The following ADGRF1 variants were observed in gnomAD, a reference collection of about 807,000 sequenced individuals.
ADGRF1 encodes the protein adhesion G protein-coupled receptor F1.
Under a neutral mutation model 87.2 loss-of-function variants are expected in ADGRF1, and 85 were observed. That is an observed-to-expected ratio of 0.97 (90% CI 0.82 to 1.17). The LOEUF is 1.17. ADGRF1 is among the 50% of genes most tolerant of loss of function. ADGRF1 has a pLI of 0.00. For synonymous variants in ADGRF1, 430 were observed against 408.8 expected (o/e 1.05, Z -0.63); for missense variants, 1,169 against 1,077.2 (o/e 1.09, Z -1.19).
At chr6:47,005,697 T>C (rs531294290) in intron 13 of ADGRF1, 120 bp downstream of exon 13, 11 of 628,880 alleles carry the variant, frequency 1.7e-5, no homozygotes, top group Admixed American at 1.5e-4. Context: ...ACCAGGAATA[T>C]AATGGTGAAA....
At chr6:47,011,896 G>A in intron 10 of ADGRF1, 111 bp downstream of exon 10, 8 of 915,860 alleles carry the variant, frequency 8.7e-6, no homozygotes, top group South Asian at 3.6e-5. Context: ...ACATAAAGAC[G>A]CATACATGGC....
intron 5 of ADGRF1, among the ~76,000 whole-genome samples, chr6:47,023,655 T>A (rs1317532142): frequency 3.3e-5 from 5 of 152,224 alleles, no homozygotes; most frequent in African/African-American, 9.6e-5. Context: ...CCTCCCTGCA[T>A]TCATATCTCT....
chr6:47,036,264 A>T (rs779690717), intron 1 of ADGRF1, among the ~76,000 whole-genome samples: 2 of 151,950 alleles, frequency 1.3e-5, no homozygotes, highest in Admixed American at 1.3e-4. Flanking sequence ...ACAAACAAAC[A>T]AAAAACAGCT....
chr6:47,007,205 C>G (rs1255249506), intron 12 of ADGRF1, 48 bp downstream of exon 12: 10 of 1,154,218 alleles, frequency 8.7e-6, no homozygotes. Context: ...GGGGAGGGGG[C>G]CTAAGATGTC....
chr6:47,024,127 T>C lies in ADGRF1; in HGVS notation c.368A>G (p.Tyr123Cys), dbSNP rs1485517566. ...PPSCLDPQNC[Y>C]LHTAGALPSC... ...TGGGAGTGCTCCAGCCGTGTGAAGG[T>C]AGCAGTTCTGGGGATCAAGGCATGA... Residue 123 changes from tyrosine (Y) to cysteine (C), a missense_variant, in exon 5 of 15, where the codon TAC becomes TGC. Tyr to Cys is a radical substitution (Grantham distance 194). Transcript: ENST00000371253. 6.8e-6 allele frequency: 11 copies of C among 1,613,924 alleles called. No homozygotes were observed. The highest frequency in any genetic ancestry group is 1.6e-4 in the Middle Eastern group (1 of 6,080).
rs78078886 is a variant in ADGRF1, at chr6:47,025,746, A to T, written c.277+108T>A. ...AAGATATAAAGCATTTATTCTTTTAAATCACAGAGATTGTAGGGATGATTG... is the reference window on the plus strand; with the variant it reads ...AAGATATAAAGCATTTATTCTTTTATATCACAGAGATTGTAGGGATGATTG... On this transcript the variant is annotated intron_variant, in intron 4 of 14. Transcript: ENST00000371253. 4,473 of 1,023,390 alleles carry T rather than the reference A, an allele frequency of 4.4e-3. 125 individuals are homozygous for T. In the African/African-American group the frequency reaches 0.062, roughly 14 times the overall value. 63.4% of individuals were successfully genotyped at this position (1,023,390 alleles called of 1,614,324 possible).
chr6:47,005,193 C>T (rs1779486720), intron 13 of ADGRF1, among the ~76,000 whole-genome samples: 1 of 152,120 alleles, frequency 6.6e-6, no homozygotes, highest in Non-Finnish European at 1.5e-5. Flanking sequence ...TGTTCAAGCA[C>T]TTTTGTTTCT....
intron 1 of ADGRF1, among the ~76,000 whole-genome samples, chr6:47,037,125 C>T (rs1160462523): frequency 1.3e-5 from 2 of 152,196 alleles, no homozygotes; most frequent in Admixed American, 6.5e-5. Flanking sequence ...GCAGAAATGC[C>T]TGTTTCATCA....
chr6:47,039,095 A>G (rs1342361062), intron 1 of ADGRF1, among the ~76,000 whole-genome samples: 1 of 152,252 alleles, frequency 6.6e-6, no homozygotes, highest in African/African-American at 2.4e-5. Context: ...AAAACAATAA[A>G]GAAACTCTTA....
rs906755814 is a variant in ADGRF1, at chr6:47,007,148, A to G, written c.2532+105T>C. ...AAGCACAGAATTTTATTACAAAAGT[A>G]CCAATAGTCCCACCTCTTATTATAT... On this transcript the variant is annotated intron_variant, in intron 12 of 14. Coordinates refer to ENST00000371253, the MANE Select transcript of ADGRF1 (RefSeq NM_153840.4). The G allele has an allele frequency of 2.5e-5, 15 of 610,550 alleles. No individual in the cohort carries two copies. In the African/African-American group the frequency reaches 2.5e-4, roughly 10 times the overall value. 37.8% of individuals were successfully genotyped at this position (610,550 alleles called of 1,614,324 possible). A position where few individuals can be genotyped will look rare whatever the true frequency, so the allele number is the denominator to read the frequency against.
In ADGRF1 at chr6:47,009,181, G is replaced by C. The variant is rs1426345306; in HGVS notation, c.2254C>G (p.Leu752Val). The C allele has an allele frequency of 6.2e-7, 1 of 1,614,064 alleles. No homozygotes were observed. The highest frequency in any genetic ancestry group is 2.2e-5 in the East Asian group (1 of 44,886). ...KPLLAFVVPALAIVAVNFVVV... is the reference protein window; with the variant it reads ...KPLLAFVVPAVAIVAVNFVVV... ...ACGAAGTTCACAGCCACAATAGCCA[G>C]TGCAGGGACAACAAAAGCCAGGAGT... The change falls in exon 11 of 15, where the codon CTG (leucine) becomes GTG (valine). Residue 752 changes from leucine (L) to valine (V), a missense_variant. Transcript: ENST00000371253.
intron 13 of ADGRF1, among the ~76,000 whole-genome samples, chr6:47,005,547 AAG>A (rs1779500148): frequency 6.6e-6 from 1 of 152,180 alleles, no homozygotes; most frequent in Admixed American, 6.5e-5. Context: ...CATTGTTCAA[AAG>A]TATTCACTCA....
At chr6:47,012,520 T>C in intron 9 of ADGRF1, 1 of 603,770 alleles carries the variant, frequency 1.7e-6, no homozygotes, top group Non-Finnish European at 2.1e-6. Context: ...AAACTGAAAC[T>C]TGCAAAGATT....
chr6:47,008,938 T>C lies in ADGRF1; in HGVS notation c.2490+7A>G. 6.3e-7 allele frequency: 1 copy of C among 1,576,606 alleles called. No individual in the cohort carries two copies. Among genetic ancestry groups the C allele is most frequent in the Non-Finnish European group, 8.6e-7 (1 of 1,158,434 alleles). On this transcript the variant is annotated splice_region_variant and intron_variant, in intron 11 of 14. Coordinates refer to ENST00000371253, the MANE Select transcript of ADGRF1 (RefSeq NM_153840.4). ...ACAATACAATAGGTTATTGTTACTGTTCTCACCTGGAATGCATTGAGTAAA... is the reference window on the plus strand; with the variant it reads ...ACAATACAATAGGTTATTGTTACTGCTCTCACCTGGAATGCATTGAGTAAA...
chr6:47,026,046 G>A (rs1312932033), intron 3 of ADGRF1, 43 bp from the exon 4 acceptor site: 8 of 1,505,710 alleles, frequency 5.3e-6, no homozygotes, highest in Non-Finnish European at 7.1e-6. Context: ...TTCTGTCCTT[G>A]GGGAAAATAT....
chr6:47,018,905 G>A (rs1337019282), intron 7 of ADGRF1: 3 of 203,422 alleles, frequency 1.5e-5, no homozygotes, highest in Admixed American at 1.1e-4. Context: ...ACCAGCCTGA[G>A]CAACATAGCA....
At chr6:47,001,417 A>T (rs1250800037) in intron 14 of ADGRF1, 84 bp downstream of exon 14, 1 of 1,096,394 alleles carries the variant, frequency 9.1e-7, no homozygotes, top group Non-Finnish European at 1.4e-6. Context: ...AGTTTCTTAC[A>T]TGTTGCCATT....
At chr6:47,018,443 G>A (rs747703303) in intron 7 of ADGRF1, 5 of 1,289,686 alleles carry the variant, frequency 3.9e-6, no homozygotes, top group South Asian at 2.5e-5. Context: ...GTATAAATAA[G>A]TGCAGACACC....
At chr6:47,016,827 C>T (rs181002714) in intron 7 of ADGRF1, 59 bp from the exon 8 acceptor site, 23 of 1,510,218 alleles carry the variant, frequency 1.5e-5, no homozygotes, top group South Asian at 8.1e-5. Context: ...CATTCACTCC[C>T]GGCCTATGCT....
Sources: allele counts gnomAD v4.1 joint callset (sites outside exome capture counted in the v4.1 genomes callset), GRCh38; gene constraint gnomAD v4.1.1; transcripts MANE v1.5; gene names NCBI Gene and HGNC (gene_info 2026-07-23, HGNC 2026-07-21).